Variants in PTPN3 observed in about 807,000 individuals in gnomAD.
PTPN3 encodes tyrosine-protein phosphatase non-receptor type 3.
PTPN3 carries 96 observed loss-of-function variants against 132.7 expected under a neutral mutation model. That is an observed-to-expected ratio of 0.72 (90% CI 0.61 to 0.86). The LOEUF is 0.86. PTPN3 is among the 40% of genes least tolerant of loss of function. The pLI is 0.00. For missense variants in PTPN3, 1,125 were observed against 1,159.6 expected (o/e 0.97, Z 0.43); for synonymous variants, 398 against 429.0 (o/e 0.93, Z 0.89).
chr9:109,523,526 T>G, the PTPN3 span, among the ~76,000 whole-genome samples: 186 of 79,694 alleles, frequency 2.3e-3, no homozygotes, highest in African/African-American at 9.1e-3. Context: ...GTTTCAGCCC[T>G]CCAGGCATAT....
chr9:109,401,880 T>A (rs183596723), intron 19 of PTPN3, among the ~76,000 whole-genome samples: 136 of 152,236 alleles, frequency 8.9e-4, no homozygotes, highest in African/African-American at 3.2e-3. Context: ...ACTCCAGGGA[T>A]CTCCTGGAGT....
the PTPN3 span, among the ~76,000 whole-genome samples, chr9:109,537,528 A>ACT: frequency 2.0e-5 from 3 of 151,212 alleles, no homozygotes; most frequent in Non-Finnish European, 4.4e-5. Flanking sequence ...TGTCTGCCTG[A>ACT]CTCTCTCCTG....
intron 22 of PTPN3, among the ~76,000 whole-genome samples, chr9:109,387,941 C>CT (rs1328722128): frequency 6.6e-6 from 1 of 152,142 alleles, no homozygotes; most frequent in East Asian, 1.9e-4. Context: ...AATCAAGTAT[C>CT]TCGTGGGGAA....
At chr9:109,497,312 AAC>A (rs1308982555) in intron 1 of PTPN3, among the ~76,000 whole-genome samples, 1 of 152,128 alleles carries the variant, frequency 6.6e-6, no homozygotes, top group Admixed American at 6.5e-5. Flanking sequence ...CACGGTGCCA[AAC>A]ACCTCCACAT....
the PTPN3 span, among the ~76,000 whole-genome samples, chr9:109,508,546 A>G: frequency 6.6e-6 from 1 of 152,164 alleles, no homozygotes; most frequent in Admixed American, 6.5e-5. Context: ...GATCTTCCTG[A>G]AGCCATTTAG....
At chr9:109,440,968 A>G (rs1002159924) in intron 7 of PTPN3, among the ~76,000 whole-genome samples, 1 of 152,184 alleles carries the variant, frequency 6.6e-6, no homozygotes, top group African/African-American at 2.4e-5. Context: ...ATCGATTTCA[A>G]TGATGTCATC....
At chr9:109,389,863 G>A (rs2131625065) in intron 21 of PTPN3, among the ~76,000 whole-genome samples, 1 of 152,302 alleles carries the variant, frequency 6.6e-6, no homozygotes, top group Non-Finnish European at 1.5e-5. Flanking sequence ...GTATCATGAA[G>A]TTGGTCAATC....
In PTPN3 at chr9:109,408,362, T is replaced by G; in HGVS notation, c.1594A>C (p.Lys532Gln). The change falls in exon 17 of 26, where the codon AAG becomes CAG. Residue 532 changes from lysine (K) to glutamine (Q), a missense_variant. Lys to Gln is a moderately conservative substitution (Grantham distance 53). Coordinates refer to ENST00000374541, the MANE Select transcript of PTPN3 (RefSeq NM_002829.4). ...GFNLKGGVDQ[K>Q]MPLVVSRINP... is the part of the protein sequence containing the mutation. ...ATCCTTGATACCACAAGAGGCATCT[T>G]TTGATCCACTCCTCCCTGTAAACAT... The G allele has an allele frequency of 1.3e-6, 2 of 1,589,714 alleles. No individual in the cohort carries two copies. The highest frequency in any genetic ancestry group is 1.7e-6 in the Non-Finnish European group (2 of 1,164,672).
intron 1 of PTPN3, among the ~76,000 whole-genome samples, chr9:109,466,790 C>G (rs1846121879): frequency 6.6e-6 from 1 of 152,182 alleles, no homozygotes; most frequent in South Asian, 2.1e-4. Context: ...TAGTAGGTGA[C>G]TCAGCTCTTA....
At chr9:109,389,012 G>A (rs1839829168) in intron 22 of PTPN3, among the ~76,000 whole-genome samples, 1 of 152,296 alleles carries the variant, frequency 6.6e-6, no homozygotes, top group African/African-American at 2.4e-5. Context: ...TAGGGGAAGT[G>A]CCTTCTGGCT....
intron 4 of PTPN3, 56 bp downstream of exon 4, chr9:109,457,117 C>T (rs1319438644): frequency 1.3e-6 from 2 of 1,563,082 alleles, no homozygotes; most frequent in Admixed American, 3.4e-5. Context: ...AGGGGAGAAA[C>T]AGGCTGTGAT....
At chr9:109,515,302 G>C in the PTPN3 span, among the ~76,000 whole-genome samples, 1 of 152,178 alleles carries the variant, frequency 6.6e-6, no homozygotes, top group South Asian at 2.1e-4. Flanking sequence ...TGGGATTATA[G>C]ATATGAGCCA....
At chr9:109,534,112 G>A in the PTPN3 span, 2 of 785,722 alleles carry the variant, frequency 2.5e-6, no homozygotes, top group Non-Finnish European at 4.7e-6. Context: ...GTTGATGAAA[G>A]CATATCCGTT....
chr9:109,475,380 C>T (rs1846607702), intron 1 of PTPN3, among the ~76,000 whole-genome samples: 1 of 152,166 alleles, frequency 6.6e-6, no homozygotes, highest in Non-Finnish European at 1.5e-5. Context: ...TTGGAAAAAA[C>T]TGAAATGGCC....
chr9:109,486,455 G>A (rs961736925), intron 1 of PTPN3, among the ~76,000 whole-genome samples: 1 of 152,296 alleles, frequency 6.6e-6, no homozygotes, highest in East Asian at 1.9e-4. Context: ...TGGAAAAGGG[G>A]AGTGGGCTGG....
chr9:109,521,278 C>A, the PTPN3 span, among the ~76,000 whole-genome samples: 79,408 of 151,464 alleles, frequency 0.52, 21,763 homozygotes, highest in East Asian at 0.85. Context: ...CCCACCTCAG[C>A]CTCCCAAGTA....
chr9:109,516,765 A>G, the PTPN3 span, among the ~76,000 whole-genome samples: 71,530 of 152,012 alleles, frequency 0.47, 17,979 homozygotes, highest in East Asian at 0.85. Context: ...CACTAATAAA[A>G]GGGAACAATG....
At chr9:109,522,141 G>A in the PTPN3 span, among the ~76,000 whole-genome samples, 23 of 152,172 alleles carry the variant, frequency 1.5e-4, no homozygotes, top group Admixed American at 2.6e-4. Context: ...AGCATTAACC[G>A]CACCTGGGAA....
rs1588274330 is a variant in PTPN3 at position 109,379,372 on chromosome 9, G to A, written c.*184C>T. The A allele has an allele frequency of 1.7e-6, 1 of 592,760 alleles. No individual in the cohort carries two copies. Among genetic ancestry groups the A allele is most frequent in the Middle Eastern group, 4.1e-4 (1 of 2,446 alleles). 36.7% of individuals were successfully genotyped at this position (592,760 alleles called of 1,614,324 possible). A position where few individuals can be genotyped will look rare whatever the true frequency, so the allele number is the denominator to read the frequency against. On this transcript the variant is annotated 3_prime_UTR_variant, in exon 26 of 26. Coordinates refer to ENST00000374541, the MANE Select transcript of PTPN3 (RefSeq NM_002829.4). ...GGCCTAAATGATGCCATAATTGCAT[G>A]CTTATCTACACCAGTTCCTATGTAC...
Sources: allele counts gnomAD v4.1 joint callset (sites outside exome capture counted in the v4.1 genomes callset), GRCh38; gene constraint gnomAD v4.1.1; transcripts MANE v1.5; gene names NCBI Gene and HGNC (gene_info 2026-07-23, HGNC 2026-07-21).